LRBA: variants seen among roughly 807,000 people sequenced by gnomAD.
The protein encoded by LRBA is lipopolysaccharide-responsive and beige-like anchor protein.
LRBA carries 176 observed loss-of-function variants against 330.0 expected under a neutral mutation model. That is an observed-to-expected ratio of 0.53 (90% CI 0.47 to 0.60). The LOEUF (loss-of-function observed/expected upper bound fraction) is 0.60, where lower values mean the gene tolerates loss of function less well. Among genes scored for constraint, LRBA ranks in the 20% least tolerant of loss-of-function variants. The probability of loss-of-function intolerance (pLI) is 0.00; values close to 1 mark genes in which losing one functional copy is unlikely to be tolerated. For missense variants in LRBA, 3,259 were observed against 3,444.8 expected, an observed-to-expected ratio of 0.95 and a Z score of 1.35; for synonymous variants, 1,230 against 1,193.0, an observed-to-expected ratio of 1.03 and a Z score of -0.64.
At chr4:150,289,638 A>T (rs1434280648) in intron 53 of LRBA, among the ~76,000 whole-genome samples, 1 of 152,160 alleles carries the variant, frequency 6.6e-6, no homozygotes, top group African/African-American at 2.4e-5. Flanking sequence ...ATAAGGAGAG[A>T]TATGTCATTT....
chr4:150,710,646 G>A (rs759740551), intron 36 of LRBA, among the ~76,000 whole-genome samples: 4 of 151,898 alleles, frequency 2.6e-5, no homozygotes, highest in African/African-American at 9.7e-5. Flanking sequence ...CCAAAGAGAC[G>A]TACCAAATTC....
chr4:150,425,133 A>G (rs1749392811), intron 46 of LRBA, among the ~76,000 whole-genome samples: 1 of 152,242 alleles, frequency 6.6e-6, no homozygotes, highest in South Asian at 2.1e-4. Context: ...ACAGTTCAAA[A>G]TTATCTCTTT....
intron 56 of LRBA, among the ~76,000 whole-genome samples, chr4:150,276,650 C>A (rs189395329): frequency 6.6e-6 from 1 of 152,078 alleles, no homozygotes; most frequent in Admixed American, 6.5e-5. Flanking sequence ...AAGACATTTA[C>A]GCAGCCAACA....
intron 37 of LRBA, among the ~76,000 whole-genome samples, chr4:150,672,004 C>G (rs1011463918): frequency 5.9e-5 from 9 of 152,180 alleles, no homozygotes; most frequent in African/African-American, 2.2e-4. Flanking sequence ...TCTGGGAAAT[C>G]TGAATGTATA....
chr4:150,977,922 G>A lies in LRBA; in HGVS notation c.216+36505C>T, dbSNP rs1272092659. On this transcript the variant is annotated intron_variant, in intron 2 of 56. Transcript: ENST00000651943. ...GTTTTTATTCCACTCCTTGGCTCCT[G>A]GATGGCCTCTCTAGACCTGCCAAGG... Among the ~76,000 whole-genome samples the A allele has an allele frequency of 2.6e-5, 4 of 152,380 alleles. No homozygotes were observed. In the East Asian group the frequency reaches 7.7e-4, roughly 29 times the overall value.
At chr4:150,294,219 A>G (rs1728688235) in intron 53 of LRBA, among the ~76,000 whole-genome samples, 1 of 152,228 alleles carries the variant, frequency 6.6e-6, no homozygotes, top group Non-Finnish European at 1.5e-5. Flanking sequence ...ATATTTGAAA[A>G]ATACAAAATC....
chr4:150,809,095 G>A (rs1743230554), intron 31 of LRBA, among the ~76,000 whole-genome samples: 1 of 152,184 alleles, frequency 6.6e-6, no homozygotes, highest in South Asian at 2.1e-4. Flanking sequence ...CCAGTGTGAG[G>A]AGGAAATCCA....
chr4:150,327,388 C>CCAGCCTGGACAAGAGTG (rs1201932973), intron 48 of LRBA, among the ~76,000 whole-genome samples: 84 of 152,154 alleles, frequency 5.5e-4, no homozygotes, highest in African/African-American at 1.9e-3. Flanking sequence ...CCACTGCACT[C>CCAGCCTGGACAAGAGTG]CAGCCTGGAC....
chr4:150,452,093 G>A (rs572542028), intron 44 of LRBA, among the ~76,000 whole-genome samples: 16 of 152,216 alleles, frequency 1.1e-4, no homozygotes, highest in Non-Finnish European at 2.1e-4. Context: ...AAGCATTACC[G>A]TGATGCCACA....
chr4:150,832,071 A>G lies in LRBA; in HGVS notation c.4570-95T>C, dbSNP rs1250956962. 4.6e-6 allele frequency: 3 copies of G among 655,248 alleles called. No homozygotes were observed. The African/African-American group carries it at 5.7e-5, about 12-fold the overall frequency. The allele number at this position is 655,248 out of a possible 1,614,324, so 40.6% of individuals were successfully genotyped here. A position where few individuals can be genotyped will look rare whatever the true frequency, so the allele number is the denominator to read the frequency against. ...GTTTAAATACAAAACATGTTCACAA[A>G]TCTTTCAATATACACAGAAAATACA... On this transcript the variant is annotated intron_variant, in intron 28 of 56. Transcript: ENST00000651943.
chr4:150,807,640 G>A (rs1743002176), intron 32 of LRBA, among the ~76,000 whole-genome samples: 1 of 151,486 alleles, frequency 6.6e-6, no homozygotes, highest in Non-Finnish European at 1.5e-5. Flanking sequence ...TGTTGTTGTT[G>A]TTGTTGTTGT....
At chr4:150,534,108 G>C (rs972532670) in intron 40 of LRBA, among the ~76,000 whole-genome samples, 1 of 151,790 alleles carries the variant, frequency 6.6e-6, no homozygotes, top group African/African-American at 2.4e-5. Context: ...CTTTTAAAAA[G>C]TGCATTCCTT....
intron 37 of LRBA, among the ~76,000 whole-genome samples, chr4:150,676,610 C>T (rs1174313872): frequency 6.6e-6 from 1 of 152,040 alleles, no homozygotes; most frequent in Non-Finnish European, 1.5e-5. Context: ...TAAATTATTG[C>T]TGTGGTTCTC....
At chr4:150,775,546 A>C (rs1737185292) in intron 34 of LRBA, among the ~76,000 whole-genome samples, 1 of 151,760 alleles carries the variant, frequency 6.6e-6, no homozygotes, top group Non-Finnish European at 1.5e-5. Context: ...TTCTAGGCTG[A>C]TGATAAAAGA....
chr4:150,563,333 C>A (rs1255271219), intron 40 of LRBA, among the ~76,000 whole-genome samples: 2 of 151,998 alleles, frequency 1.3e-5, no homozygotes, highest in Admixed American at 6.6e-5. Context: ...GAAGAAAAGG[C>A]CTTCGATAAA....
At chr4:150,433,280 G>A (rs1290539406) in intron 46 of LRBA, among the ~76,000 whole-genome samples, 1 of 151,804 alleles carries the variant, frequency 6.6e-6, no homozygotes, top group Non-Finnish European at 1.5e-5. Context: ...TTTTTTACAG[G>A]TAGGGTATTT....
intron 17 of LRBA, among the ~76,000 whole-genome samples, chr4:150,874,618 T>C (rs1753799742): frequency 2.6e-5 from 4 of 152,186 alleles, no homozygotes; most frequent in Admixed American, 2.6e-4. Context: ...GCATGTGTCA[T>C]TGCTGGGTGC....
At chr4:150,803,109 C>CACACACAT (rs1553964883) in intron 33 of LRBA, among the ~76,000 whole-genome samples, 8 of 143,966 alleles carry the variant, frequency 5.6e-5, no homozygotes, top group African/African-American at 1.0e-4. Flanking sequence ...CACACACACA[C>CACACACAT]ATATATACAC....
intron 40 of LRBA, among the ~76,000 whole-genome samples, chr4:150,492,529 T>C (rs1198725397): frequency 6.6e-6 from 1 of 152,196 alleles, no homozygotes; most frequent in Non-Finnish European, 1.5e-5. Flanking sequence ...CCAGTTGGTC[T>C]ATGGCCCCAA....
Sources: allele counts gnomAD v4.1 joint callset (sites outside exome capture counted in the v4.1 genomes callset), GRCh38; gene constraint gnomAD v4.1.1; transcripts MANE v1.5; gene names NCBI Gene and HGNC (gene_info 2026-07-23, HGNC 2026-07-21).